RAD51B: variants seen among roughly 807,000 people sequenced by gnomAD.
RAD51B encodes the protein RAD51 paralog B.
A neutral mutation model predicts 42.2 loss-of-function variants in RAD51B; 38 were observed. The ratio of observed to expected loss-of-function variants is 0.90; its 90% CI spans 0.70 to 1.18. The LOEUF (loss-of-function observed/expected upper bound fraction) is 1.18, where lower values mean the gene tolerates loss of function less well. Among genes scored for constraint, RAD51B ranks in the 50% most tolerant of loss-of-function variants. RAD51B has a pLI of 0.00. For missense variants in RAD51B, 373 were observed against 400.7 expected, an observed-to-expected ratio of 0.93 and a Z score of 0.59; for synonymous variants, 154 against 145.2, an observed-to-expected ratio of 1.06 and a Z score of -0.43.
At chr14:68,002,244 T>A (rs2140312732) in intron 7 of RAD51B, among the ~76,000 whole-genome samples, 1 of 152,260 alleles carries the variant, frequency 6.6e-6, no homozygotes, top group East Asian at 1.9e-4. Context: ...TCATTCTGAC[T>A]GATGTGAGCC....
chr14:68,429,408 C>T (rs1460561086), intron 9 of RAD51B, among the ~76,000 whole-genome samples: 2 of 152,150 alleles, frequency 1.3e-5, no homozygotes, highest in Admixed American at 6.5e-5. Flanking sequence ...ACATCCTCTC[C>T]AGCACCTGTT....
At chr14:68,061,630 C>T (rs1465496348) in intron 7 of RAD51B, among the ~76,000 whole-genome samples, 1 of 151,510 alleles carries the variant, frequency 6.6e-6, no homozygotes, top group Non-Finnish European at 1.5e-5. Flanking sequence ...AAGTTTATTC[C>T]TAGGTATTTT....
downstream of RAD51B, among the ~76,000 whole-genome samples, chr14:68,614,485 G>C (rs1006149213): frequency 6.6e-6 from 1 of 152,074 alleles, no homozygotes; most frequent in African/African-American, 2.4e-5. Context: ...ACCCCCAAAA[G>C]AGTCTCCATA....
At chr14:68,260,428 A>G (rs1275870347) in intron 7 of RAD51B, among the ~76,000 whole-genome samples, 2 of 152,018 alleles carry the variant, frequency 1.3e-5, no homozygotes, top group East Asian at 3.9e-4. Context: ...AGCATAGCAC[A>G]TTTATTTAAC....
chr14:68,645,949 T>A (rs1892556344), intron 10 of RAD51B, among the ~76,000 whole-genome samples: 1 of 152,172 alleles, frequency 6.6e-6, no homozygotes, highest in East Asian at 1.9e-4. Flanking sequence ...AAATTTAGAT[T>A]TCAAATAAAC....
At chr14:68,566,876 T>C (rs1194087878) in intron 10 of RAD51B, among the ~76,000 whole-genome samples, 2 of 152,178 alleles carry the variant, frequency 1.3e-5, no homozygotes, top group Non-Finnish European at 2.9e-5. Flanking sequence ...TACTCTTCAA[T>C]GCATTCTCTC....
intron 7 of RAD51B, among the ~76,000 whole-genome samples, chr14:68,272,897 G>A (rs907703770): frequency 8.0e-5 from 12 of 150,576 alleles, no homozygotes; most frequent in African/African-American, 2.7e-4. Context: ...TGTTAGCCAG[G>A]ATGGTCTCGA....
intron 7 of RAD51B, among the ~76,000 whole-genome samples, chr14:68,015,920 A>G (rs901097582): frequency 2.0e-5 from 3 of 152,164 alleles, no homozygotes; most frequent in Admixed American, 6.5e-5. Flanking sequence ...GCAGGAAATA[A>G]TCTCTCCTTT....
chr14:68,103,711 C>T lies in RAD51B; in HGVS notation c.757-188173C>T, dbSNP rs186566434. On this transcript the variant is annotated intron_variant, in intron 7 of 10. Coordinates refer to ENST00000471583, the MANE Select transcript of RAD51B (RefSeq NM_133510.4). The stretch of plus-strand genomic sequence containing the variant: ...AGACTGAATAAGAACATGTCCTACC[C>T]GCAAGGACAAAGGAGAAGAAAATAT... 1.3e-4 allele frequency among the ~76,000 whole-genome samples: 20 copies of T among 152,118 alleles called. 1 individual carries two copies. The highest frequency in any genetic ancestry group is 1.3e-4 in the Admixed American group (2 of 15,280).
intron 8 of RAD51B, among the ~76,000 whole-genome samples, chr14:68,373,084 ATC>A (rs1433764286): frequency 6.6e-6 from 1 of 152,274 alleles, no homozygotes; most frequent in Non-Finnish European, 1.5e-5. Flanking sequence ...AAGCTTTTCT[ATC>A]TCTGTGAATC....
At chr14:68,027,338 A>G (rs1026841055) in intron 7 of RAD51B, among the ~76,000 whole-genome samples, 1 of 151,958 alleles carries the variant, frequency 6.6e-6, no homozygotes, top group Non-Finnish European at 1.5e-5. Flanking sequence ...GTAATCTTGT[A>G]TGGTATCTAG....
chr14:68,247,307 T>C (rs1178651796), intron 7 of RAD51B, among the ~76,000 whole-genome samples: 2 of 152,188 alleles, frequency 1.3e-5, no homozygotes, highest in African/African-American at 4.8e-5. Flanking sequence ...AATTACATTA[T>C]AGCTAGTCTA....
chr14:68,250,261 A>T (rs1290819585), intron 7 of RAD51B, among the ~76,000 whole-genome samples: 1 of 152,140 alleles, frequency 6.6e-6, no homozygotes, highest in Non-Finnish European at 1.5e-5. Context: ...ACACTTCTCT[A>T]ATTAATTGAT....
chr14:67,841,570 G>T (rs1682024187), intron 4 of RAD51B, among the ~76,000 whole-genome samples: 1 of 152,094 alleles, frequency 6.6e-6, no homozygotes, highest in Non-Finnish European at 1.5e-5. Context: ...TTAAATTGTT[G>T]ATCCATCTTG....
rs1032489496 is a variant in RAD51B, at chr14:68,188,875, C to T, written c.757-103009C>T. Among the ~76,000 whole-genome samples the T allele has an allele frequency of 1.5e-4, 23 of 152,110 alleles. 1 individual carries two copies. The highest frequency in any genetic ancestry group is 8.8e-5 in the Non-Finnish European group (6 of 68,022). ...CACTGATTTCTTGCTGTTCCTCATC[C>T]TTGTGTTTTGCATCGACTTTTCTTC... is the stretch of plus-strand genomic sequence containing the variant. On this transcript the variant is annotated intron_variant, in intron 7 of 10. Coordinates refer to ENST00000471583, the MANE Select transcript of RAD51B (RefSeq NM_133510.4).
At chr14:68,447,059 A>C (rs2085438124) in intron 9 of RAD51B, among the ~76,000 whole-genome samples, 1 of 152,120 alleles carries the variant, frequency 6.6e-6, no homozygotes, top group African/African-American at 2.4e-5. Flanking sequence ...ATCTCTACTA[A>C]AAATACAAAA....
At chr14:68,667,166 G>A (rs1269522925) in intron 11 of RAD51B, among the ~76,000 whole-genome samples, 1 of 152,220 alleles carries the variant, frequency 6.6e-6, no homozygotes, top group Non-Finnish European at 1.5e-5. Context: ...TGACGGCGGT[G>A]GAGGGAGGTG....
chr14:67,984,980 A>T (rs1264462985), intron 7 of RAD51B, among the ~76,000 whole-genome samples: 1 of 152,230 alleles, frequency 6.6e-6, no homozygotes, highest in Non-Finnish European at 1.5e-5. Context: ...TAGAACAAAA[A>T]GTTAAGAAAC....
intron 8 of RAD51B, among the ~76,000 whole-genome samples, chr14:68,344,816 G>C (rs1241864533): frequency 6.7e-6 from 1 of 149,764 alleles, no homozygotes; most frequent in African/African-American, 2.5e-5. Flanking sequence ...GCATGGTGGC[G>C]GGTGCCTGTA....
Sources: gnomAD v4.1 joint callset for allele counts (sites outside exome capture counted in the v4.1 genomes callset) on GRCh38, gnomAD v4.1.1 for gene constraint, MANE v1.5 for transcripts, NCBI Gene and HGNC (gene_info 2026-07-23, HGNC 2026-07-21) for gene names.